The following SPATS2L variants were observed in gnomAD, a reference collection of about 807,000 sequenced individuals.
SPATS2L encodes spermatogenesis associated serine rich 2 like.
In SPATS2L, 30 loss-of-function variants were observed where a neutral mutation model predicts 59.6. The observed-to-expected ratio is 0.50, with a 90% confidence interval of 0.38 to 0.68. The LOEUF is 0.68. Ranked by LOEUF, SPATS2L falls within the 30% of genes least tolerant of loss-of-function variation. SPATS2L has a pLI of 0.00. For missense variants in SPATS2L, 615 were observed against 700.0 expected (o/e 0.88, Z 1.37); for synonymous variants, 252 against 263.5 (o/e 0.96, Z 0.42).
intron 6 of SPATS2L, among the ~76,000 whole-genome samples, chr2:200,423,943 G>A (rs1218072966): frequency 2.6e-5 from 4 of 152,202 alleles, no homozygotes; most frequent in African/African-American, 9.6e-5. Context: ...AGGGGTGTTA[G>A]TGTGACTTCC....
At chr2:200,353,518 G>A (rs1231552037) in intron 2 of SPATS2L, among the ~76,000 whole-genome samples, 1 of 152,132 alleles carries the variant, frequency 6.6e-6, no homozygotes, top group Non-Finnish European at 1.5e-5. Context: ...GCAAATGGAT[G>A]TGGTCCCTGG....
chr2:200,391,288 C>T (rs1483131559), intron 3 of SPATS2L, among the ~76,000 whole-genome samples: 3 of 152,214 alleles, frequency 2.0e-5, no homozygotes, highest in Admixed American at 2.0e-4. Context: ...TCCGTCATTA[C>T]TTCAAACTTA....
At chr2:200,365,779 G>T (rs905741546) in intron 2 of SPATS2L, among the ~76,000 whole-genome samples, 8 of 151,964 alleles carry the variant, frequency 5.3e-5, no homozygotes, top group Non-Finnish European at 1.2e-4. Flanking sequence ...ACTCAAAGTG[G>T]TCTAATAAAA....
intron 1 of SPATS2L, among the ~76,000 whole-genome samples, chr2:200,324,384 C>G (rs2079663048): frequency 6.6e-6 from 1 of 152,212 alleles, no homozygotes; most frequent in Non-Finnish European, 1.5e-5. Context: ...TCCCAGGACT[C>G]TCTGAGCATG....
chr2:200,309,962 A>G (rs1007588437), intron 1 of SPATS2L, among the ~76,000 whole-genome samples: 1 of 152,232 alleles, frequency 6.6e-6, no homozygotes. Context: ...AAATAGTCTT[A>G]TGAAGATATA....
chr2:200,312,129 A>G lies in SPATS2L; in HGVS notation c.-73+5207A>G, dbSNP rs926186396. Among the ~76,000 whole-genome samples the G allele has an allele frequency of 1.1e-4, 16 of 152,340 alleles. No homozygotes were observed. In the South Asian group the frequency reaches 1.2e-3, roughly 12 times the overall value. On this transcript the variant is annotated intron_variant, in intron 1 of 12. Transcript: ENST00000409140. ...TGTGGTGCCAAGTGCTGAACTGACTATGACACAAAGCAAAAAATAAATCTT... is the reference window on the plus strand; with the variant it reads ...TGTGGTGCCAAGTGCTGAACTGACTGTGACACAAAGCAAAAAATAAATCTT...
chr2:200,439,879 A>C (rs2084571418), intron 7 of SPATS2L, among the ~76,000 whole-genome samples: 1 of 152,340 alleles, frequency 6.6e-6, no homozygotes, highest in South Asian at 2.1e-4. Flanking sequence ...CTTGATACGT[A>C]ACTGGTATTA....
chr2:200,394,490 G>C (rs970443642), intron 3 of SPATS2L, among the ~76,000 whole-genome samples: 4 of 152,170 alleles, frequency 2.6e-5, no homozygotes, highest in Admixed American at 2.6e-4. Context: ...CTCCCCATGT[G>C]AGACTGTGCT....
intron 5 of SPATS2L, among the ~76,000 whole-genome samples, 183 bp from the exon 6 acceptor site, chr2:200,419,067 T>C (rs1449626048): frequency 6.6e-6 from 1 of 152,186 alleles, no homozygotes; most frequent in African/African-American, 2.4e-5. Flanking sequence ...TACAACTTAC[T>C]ATAAGAAAGA....
intron 2 of SPATS2L, among the ~76,000 whole-genome samples, chr2:200,379,865 A>T (rs2081741165): frequency 6.6e-6 from 1 of 152,168 alleles, no homozygotes; most frequent in Non-Finnish European, 1.5e-5. Context: ...TTGAGCTTAC[A>T]TCATCGCATC....
chr2:200,449,764 A>G (rs2085313566), intron 8 of SPATS2L, among the ~76,000 whole-genome samples: 1 of 152,268 alleles, frequency 6.6e-6, no homozygotes, highest in African/African-American at 2.4e-5. Flanking sequence ...AAAATACATT[A>G]TAATACTAAA....
intron 6 of SPATS2L, among the ~76,000 whole-genome samples, chr2:200,421,066 G>A (rs938177912): frequency 3.9e-5 from 6 of 152,080 alleles, no homozygotes; most frequent in Admixed American, 6.5e-5. Context: ...TTAAACTCCC[G>A]TTATATTCAG....
intron 8 of SPATS2L, among the ~76,000 whole-genome samples, chr2:200,457,200 G>A (rs891881450): frequency 6.9e-6 from 1 of 145,818 alleles, no homozygotes; most frequent in Non-Finnish European, 1.5e-5. Context: ...CTCTAAGAAG[G>A]TTGTAAATAA....
intron 6 of SPATS2L, among the ~76,000 whole-genome samples, chr2:200,425,082 A>G (rs2083480856): frequency 6.7e-6 from 1 of 149,590 alleles, no homozygotes; most frequent in African/African-American, 2.4e-5. Context: ...AACTGAACCA[A>G]ATGTGAGAGA....
chr2:200,351,130 A>G (rs998397285), intron 2 of SPATS2L: 1 of 422,324 alleles, frequency 2.4e-6, no homozygotes, highest in African/African-American at 2.0e-5. Context: ...GAAATGCACC[A>G]CTATGAAATC....
chr2:200,333,814 C>G (rs1005814641), intron 2 of SPATS2L, among the ~76,000 whole-genome samples: 31 of 152,104 alleles, frequency 2.0e-4, no homozygotes, highest in Non-Finnish European at 3.2e-4. Flanking sequence ...CATCCATGTC[C>G]CTACAAAGGA....
intron 8 of SPATS2L, among the ~76,000 whole-genome samples, chr2:200,444,466 G>A (rs1021616262): frequency 1.3e-5 from 2 of 152,102 alleles, no homozygotes; most frequent in Non-Finnish European, 1.5e-5. Context: ...AATGGAAGAC[G>A]GTAATGAGCC....
At chr2:200,412,628 ACACT>A (rs1463581999) in intron 4 of SPATS2L, among the ~76,000 whole-genome samples, 1 of 151,272 alleles carries the variant, frequency 6.6e-6, no homozygotes, top group Non-Finnish European at 1.5e-5. Flanking sequence ...AAAAATAGAC[ACACT>A]CAATAAGAAT....
In SPATS2L at chr2:200,441,411, G is replaced by A. The variant is rs114339782; in HGVS notation, c.788+627G>A. ...TTAACAGTAGAAAAATGTTCTCAGC[G>A]TATCAGTTAGGTCTCTTTCAGTTTG... On this transcript the variant is annotated intron_variant, in intron 8 of 12. Coordinates refer to ENST00000409140, the MANE Select transcript of SPATS2L (RefSeq NM_001100423.2). 9.2e-3 allele frequency among the ~76,000 whole-genome samples: 1,402 copies of A among 152,282 alleles called. 23 individuals are homozygous for A. Among genetic ancestry groups the A allele is most frequent in the African/African-American group, 0.031 (1,298 of 41,534 alleles).
Sources: allele counts gnomAD v4.1 joint callset (sites outside exome capture counted in the v4.1 genomes callset), GRCh38; gene constraint gnomAD v4.1.1; transcripts MANE v1.5; gene names NCBI Gene and HGNC (gene_info 2026-07-23, HGNC 2026-07-21).